Variants in GRID2 observed in about 807,000 individuals in gnomAD.
The protein encoded by GRID2 is glutamate receptor ionotropic, delta-2.
A neutral mutation model predicts 114.8 loss-of-function variants in GRID2; 33 were observed. The ratio of observed to expected loss-of-function variants is 0.29; its 90% CI spans 0.22 to 0.38. The LOEUF (loss-of-function observed/expected upper bound fraction) is 0.38, where lower values mean the gene tolerates loss of function less well. GRID2 is among the 10% of genes least tolerant of loss of function. The pLI is 1.00. For missense variants in GRID2, 1,184 were observed against 1,257.7 expected, an observed-to-expected ratio of 0.94 and a Z score of 0.89; for synonymous variants, 505 against 449.9, an observed-to-expected ratio of 1.12 and a Z score of -1.55.
intron 14 of GRID2, among the ~76,000 whole-genome samples, chr4:93,645,005 T>C (rs1466911559): frequency 2.0e-5 from 3 of 152,194 alleles, no homozygotes; most frequent in African/African-American, 4.8e-5. Context: ...AGAGACGTAT[T>C]CCAAAGTGCC....
At chr4:93,636,458 CACAT>C (rs1721422537) in intron 14 of GRID2, among the ~76,000 whole-genome samples, 1 of 152,068 alleles carries the variant, frequency 6.6e-6, no homozygotes, top group Non-Finnish European at 1.5e-5. Flanking sequence ...CACGCACACA[CACAT>C]ACTCTCCAGA....
At chr4:93,729,546 C>T (rs1730284271) in intron 14 of GRID2, among the ~76,000 whole-genome samples, 1 of 151,512 alleles carries the variant, frequency 6.6e-6, no homozygotes, top group South Asian at 2.1e-4. Flanking sequence ...TACAGATAAT[C>T]ATTTTCTTTT....
chr4:93,124,499 C>A (rs1734099620), intron 4 of GRID2, among the ~76,000 whole-genome samples: 2 of 152,144 alleles, frequency 1.3e-5, no homozygotes, highest in Admixed American at 6.5e-5. Context: ...CATAGATTAC[C>A]ACTATCTGCC....
intron 8 of GRID2, among the ~76,000 whole-genome samples, chr4:93,269,676 A>G (rs1167396475): frequency 6.6e-6 from 1 of 152,210 alleles, no homozygotes. Context: ...CTCCCTTTGG[A>G]AAAGTAATTG....
At chr4:93,329,749 T>C (rs1355624258) in intron 8 of GRID2, among the ~76,000 whole-genome samples, 1 of 152,116 alleles carries the variant, frequency 6.6e-6, no homozygotes, top group Non-Finnish European at 1.5e-5. Flanking sequence ...GACACAGACC[T>C]TAACAGAAAA....
At chr4:93,039,825 C>G (rs1725320340) in intron 2 of GRID2, among the ~76,000 whole-genome samples, 1 of 152,148 alleles carries the variant, frequency 6.6e-6, no homozygotes, top group Non-Finnish European at 1.5e-5. Context: ...CTCAGCTTGA[C>G]AGTAACCATA....
At chr4:92,581,044 T>C (rs1213775878) in intron 1 of GRID2, among the ~76,000 whole-genome samples, 1 of 151,870 alleles carries the variant, frequency 6.6e-6, no homozygotes, top group Non-Finnish European at 1.5e-5. Flanking sequence ...ATGTATGCAA[T>C]AGAGAAAGAG....
At chr4:92,896,961 C>G (rs1433133130) in intron 2 of GRID2, among the ~76,000 whole-genome samples, 1 of 151,992 alleles carries the variant, frequency 6.6e-6, no homozygotes, top group East Asian at 1.9e-4. Flanking sequence ...AGGCTGATCT[C>G]GAACTCCTGA....
At chr4:92,387,890 G>A (rs1298308917) in intron 1 of GRID2, among the ~76,000 whole-genome samples, 3 of 151,934 alleles carry the variant, frequency 2.0e-5, no homozygotes, top group Admixed American at 6.6e-5. Flanking sequence ...AACATAAAAA[G>A]AATCAAAGAT....
intron 1 of GRID2, among the ~76,000 whole-genome samples, chr4:93,793,924 A>T (rs1284937742): frequency 2.0e-5 from 3 of 152,228 alleles, no homozygotes; most frequent in Non-Finnish European, 4.4e-5. Flanking sequence ...TGAAATGCCA[A>T]GAATCTTCCC....
intron 2 of GRID2, among the ~76,000 whole-genome samples, chr4:93,020,807 C>A (rs1349966697): frequency 6.6e-6 from 1 of 152,002 alleles, no homozygotes; most frequent in Non-Finnish European, 1.5e-5. Context: ...CCGAGGCGGG[C>A]AGATCACCTG....
intron 13 of GRID2, among the ~76,000 whole-genome samples, chr4:93,580,688 G>T (rs548922786): frequency 6.6e-6 from 1 of 151,940 alleles, no homozygotes; most frequent in Non-Finnish European, 1.5e-5. Flanking sequence ...ATGGTTAATT[G>T]TCAGAAAACT....
intron 1 of GRID2, among the ~76,000 whole-genome samples, chr4:92,505,779 T>G (rs956415102): frequency 6.6e-6 from 1 of 152,066 alleles, no homozygotes. Flanking sequence ...TATCTTTTAG[T>G]GCAATGTATA....
At chr4:93,320,204 T>C (rs1757069111) in intron 8 of GRID2, among the ~76,000 whole-genome samples, 1 of 151,878 alleles carries the variant, frequency 6.6e-6, no homozygotes, top group Admixed American at 6.6e-5. Context: ...ATGAAGTAAG[T>C]GGAGGATAAG....
Position 93,178,336 on chromosome 4 carries a change from A to AT in GRID2, c.736-29060dup, listed in dbSNP as rs773440947. ...CTCTCTCACACTCAAACTGAGGATCATTTTTTTTATATTTAGTGCTTATAT... is the reference window on the plus strand; with the variant it reads ...CTCTCTCACACTCAAACTGAGGATCATTTTTTTTTATATTTAGTGCTTATAT... On this transcript the variant is annotated intron_variant, in intron 4 of 15. Coordinates refer to ENST00000282020, the MANE Select transcript of GRID2 (RefSeq NM_001510.4). Among the ~76,000 whole-genome samples, 39 of 126,468 alleles carry AT rather than the reference A, an allele frequency of 3.1e-4. 1 individual carries two copies. Among genetic ancestry groups the AT allele is most frequent in the Admixed American group, 1.2e-3 (14 of 11,882 alleles). The allele number at this position is 126,468 out of a possible 152,430, so 83.0% of individuals were successfully genotyped here.
intron 1 of GRID2, among the ~76,000 whole-genome samples, chr4:92,501,853 A>G (rs1723697838): frequency 6.6e-6 from 1 of 152,202 alleles, no homozygotes; most frequent in South Asian, 2.1e-4. Context: ...TGAGATTGTG[A>G]CGAATATGAC....
chr4:92,354,322 T>C (rs765049430), intron 1 of GRID2, among the ~76,000 whole-genome samples: 2 of 151,998 alleles, frequency 1.3e-5, no homozygotes, highest in African/African-American at 2.4e-5. Context: ...TCTTATAGAG[T>C]TCTGACAAAT....
At chr4:93,567,066 C>A (rs1181930536) in intron 13 of GRID2, among the ~76,000 whole-genome samples, 1 of 152,148 alleles carries the variant, frequency 6.6e-6, no homozygotes, top group Non-Finnish European at 1.5e-5. Flanking sequence ...CTTCCCTTTG[C>A]AGACCTTTTG....
chr4:93,582,287 A>G (rs1737057242), intron 13 of GRID2, among the ~76,000 whole-genome samples: 1 of 151,930 alleles, frequency 6.6e-6, no homozygotes, highest in Non-Finnish European at 1.5e-5. Context: ...TCTGTCTCTG[A>G]CCCTCCTGAC....
Sources: allele counts gnomAD v4.1 joint callset (sites outside exome capture counted in the v4.1 genomes callset), GRCh38; gene constraint gnomAD v4.1.1; transcripts MANE v1.5; gene names NCBI Gene and HGNC (gene_info 2026-07-23, HGNC 2026-07-21).